CPAMD8: variants seen among roughly 807,000 people sequenced by gnomAD.
CPAMD8 encodes C3 and PZP like alpha-2-macroglobulin domain containing 8, also known as C3 and PZP-like alpha-2-macroglobulin domain-containing protein 8.
CPAMD8 carries 146 observed loss-of-function variants against 224.7 expected under a neutral mutation model. The ratio of observed to expected loss-of-function variants is 0.65; its 90% CI spans 0.57 to 0.75. The LOEUF is 0.75. Among genes scored for constraint, CPAMD8 ranks in the 30% least tolerant of loss-of-function variants. CPAMD8 has a pLI of 0.00. For missense variants in CPAMD8, 2,301 were observed against 2,537.5 expected, an observed-to-expected ratio of 0.91 and a Z score of 2.00; for synonymous variants, 966 against 1,044.6, an observed-to-expected ratio of 0.92 and a Z score of 1.45.
intron 24 of CPAMD8, 105 bp downstream of exon 24, chr19:16,928,837 T>C: frequency 5.7e-6 from 5 of 883,248 alleles, no homozygotes; most frequent in Non-Finnish European, 8.5e-6. Flanking sequence ...CATGTTTCCC[T>C]TGCTCCTCCT....
chr19:17,017,304 T>G (rs927355033), intron 3 of CPAMD8, among the ~76,000 whole-genome samples: 1 of 152,184 alleles, frequency 6.6e-6, no homozygotes, highest in African/African-American at 2.4e-5. Flanking sequence ...TATGGTGAGT[T>G]ATATCATTAT....
At chr19:16,941,123 G>T (rs2883088) in intron 22 of CPAMD8, among the ~76,000 whole-genome samples, 53 of 152,002 alleles carry the variant, frequency 3.5e-4, no homozygotes, top group East Asian at 5.8e-4. Context: ...AGTAGAGACG[G>T]GGTTTCACCA....
chr19:17,001,320 GAAAAAAAAA>G (rs1170361586), intron 9 of CPAMD8, among the ~76,000 whole-genome samples: 1 of 42,470 alleles, frequency 2.4e-5, no homozygotes, highest in Admixed American at 3.5e-4. Context: ...GACTCCGTCT[GAAAAAAAAA>G]AAAAAAAAAA....
At chr19:16,973,861 G>T (rs9676671) in intron 17 of CPAMD8, among the ~76,000 whole-genome samples, 1 of 136,002 alleles carries the variant, frequency 7.4e-6, no homozygotes, top group African/African-American at 2.8e-5. Flanking sequence ...GACGGAGTCT[G>T]GCTCTGTCAC....
chr19:16,998,915 G>A (rs1472491468), intron 10 of CPAMD8, among the ~76,000 whole-genome samples: 1 of 152,076 alleles, frequency 6.6e-6, no homozygotes, highest in Non-Finnish European at 1.5e-5. Context: ...TAGCCAAAAA[G>A]CAGAAACAAC....
chr19:16,976,573 AGT>A (rs1400753100), intron 15 of CPAMD8, among the ~76,000 whole-genome samples: 3 of 151,942 alleles, frequency 2.0e-5, no homozygotes, highest in Non-Finnish European at 2.9e-5. Flanking sequence ...CACCAAGGAG[AGT>A]GGGTCTTTGC....
intron 19 of CPAMD8, among the ~76,000 whole-genome samples, 185 bp from the exon 20 acceptor site, chr19:16,952,385 T>C (rs2054327105): frequency 6.6e-6 from 1 of 152,232 alleles, no homozygotes; most frequent in East Asian, 1.9e-4. Flanking sequence ...CTGACTCTAA[T>C]AGAAAACATG....
intron 18 of CPAMD8, among the ~76,000 whole-genome samples, chr19:16,967,924 C>CGTGTGT (rs2054910221): frequency 7.3e-6 from 1 of 137,018 alleles, no homozygotes; most frequent in African/African-American, 2.7e-5. Context: ...TATACACACA[C>CGTGTGT]ATGTGTGTAT....
At chr19:16,961,727 A>AC (rs1224274426) in intron 18 of CPAMD8, among the ~76,000 whole-genome samples, 1 of 152,060 alleles carries the variant, frequency 6.6e-6, no homozygotes, top group East Asian at 1.9e-4. Flanking sequence ...TGGGTCCCTG[A>AC]CCCCCATGTA....
At position 16,925,334 on chromosome 19, in the gene CPAMD8, G is replaced by T; in HGVS notation, c.3409C>A (p.Leu1137Ile). The T allele has an allele frequency of 6.2e-7, 1 of 1,614,220 alleles. No individual in the cohort carries two copies. Among genetic ancestry groups the T allele is most frequent in the Admixed American group, 1.7e-5 (1 of 60,028 alleles). The change falls in exon 26 of 42, where the codon CTC becomes ATC. Residue 1137 changes from leucine (L) to isoleucine (I), a missense_variant. By Grantham distance (5) the Leu-to-Ile change is conservative. Coordinates refer to ENST00000443236, the MANE Select transcript of CPAMD8 (RefSeq NM_015692.5). Reference sequence around the variant, plus strand: ...CCACAGCCAAACGGCAGCCGCAGGAGGTTGTTGAGGTGGTTCAGGGTTGGC... The same window carrying T: ...CCACAGCCAAACGGCAGCCGCAGGATGTTGTTGAGGTGGTTCAGGGTTGGC... ...MGPTLNHLNN[L>I]LRLPFGCGEQ...
chr19:16,893,019 G>A lies in CPAMD8; in HGVS notation c.*89C>T, dbSNP rs2051820126. ...GTGATCATTTACCAGAGTTTTCTGAGATGTTAACCACAGGCACAAGCTGGG... is the reference window on the plus strand; with the variant it reads ...GTGATCATTTACCAGAGTTTTCTGAAATGTTAACCACAGGCACAAGCTGGG... On this transcript the variant is annotated 3_prime_UTR_variant, in exon 42 of 42. Coordinates refer to ENST00000443236, the MANE Select transcript of CPAMD8 (RefSeq NM_015692.5). The A allele has an allele frequency of 2.6e-6, 2 of 775,996 alleles. No individual in the cohort carries two copies. Among genetic ancestry groups the A allele is most frequent in the Admixed American group, 1.7e-5 (1 of 58,832 alleles). 48.1% of individuals were successfully genotyped at this position (775,996 alleles called of 1,614,324 possible). A position where few individuals can be genotyped will look rare whatever the true frequency, so the allele number is the denominator to read the frequency against.
At position 16,955,666 on chromosome 19, in the gene CPAMD8, A is replaced by C. The variant is rs146006464; in HGVS notation, c.2276+2187T>G. Among the ~76,000 whole-genome samples, 86 of 152,248 alleles carry C rather than the reference A, an allele frequency of 5.6e-4. 1 individual carries two copies. In the Middle Eastern group the frequency reaches 0.014, roughly 24 times the overall value. On this transcript the variant is annotated intron_variant, in intron 19 of 41. Transcript: ENST00000443236. Reference sequence around the variant, plus strand: ...GTATTTCACCATAATTTTTTAAACCAATTCATTTTTGAATCATTTTCCCTT... The same window carrying C: ...GTATTTCACCATAATTTTTTAAACCCATTCATTTTTGAATCATTTTCCCTT...
intron 14 of CPAMD8, among the ~76,000 whole-genome samples, chr19:16,978,382 G>T (rs2055357400): frequency 6.6e-6 from 1 of 152,138 alleles, no homozygotes. Flanking sequence ...GTTAAATGGG[G>T]ACAGATTGTG....
chr19:17,018,921 A>G (rs1434784605), intron 3 of CPAMD8, among the ~76,000 whole-genome samples: 6 of 68,382 alleles, frequency 8.8e-5, no homozygotes, highest in East Asian at 6.3e-4. Context: ...AAAAAAAAAG[A>G]AAAAAAAAAC....
intron 3 of CPAMD8, among the ~76,000 whole-genome samples, chr19:17,016,573 C>T (rs920798968): frequency 6.6e-6 from 1 of 152,104 alleles, no homozygotes; most frequent in African/African-American, 2.4e-5. Flanking sequence ...CCACAGTAGC[C>T]AACATGGTGA....
At chr19:16,984,725 T>G (rs941966453) in intron 13 of CPAMD8, among the ~76,000 whole-genome samples, 1 of 152,116 alleles carries the variant, frequency 6.6e-6, no homozygotes, top group African/African-American at 2.4e-5. Flanking sequence ...TTAACAGTAG[T>G]GGGGCTGGGT....
chr19:17,026,080 T>C (rs1431844330), intron 1 of CPAMD8, among the ~76,000 whole-genome samples: 1 of 152,172 alleles, frequency 6.6e-6, no homozygotes, highest in Non-Finnish European at 1.5e-5. Flanking sequence ...AGCAGTTAGT[T>C]AATTCACCTT....
At chr19:16,902,606 C>T in intron 35 of CPAMD8, 43 bp downstream of exon 35, 1 of 1,309,548 alleles carries the variant, frequency 7.6e-7, no homozygotes, top group Non-Finnish European at 1.1e-6. Flanking sequence ...CCGCACATTG[C>T]ACCCTCCTGG....
intron 1 of CPAMD8, among the ~76,000 whole-genome samples, chr19:17,026,176 A>T (rs1174629994): frequency 6.6e-6 from 1 of 151,754 alleles, no homozygotes; most frequent in Non-Finnish European, 1.5e-5. Context: ...CTCCCTCACC[A>T]CGCCCACCCA....
Sources: gnomAD v4.1 joint callset for allele counts (sites outside exome capture counted in the v4.1 genomes callset) on GRCh38, gnomAD v4.1.1 for gene constraint, MANE v1.5 for transcripts, NCBI Gene and HGNC (gene_info 2026-07-23, HGNC 2026-07-21) for gene names.